RUNX2: variants seen among roughly 807,000 people sequenced by gnomAD.
RUNX2 encodes the protein RUNX family transcription factor 2.
A neutral mutation model predicts 51.7 loss-of-function variants in RUNX2; 10 were observed. The ratio of observed to expected loss-of-function variants is 0.19; its 90% CI spans 0.12 to 0.33. The LOEUF (loss-of-function observed/expected upper bound fraction) is 0.33, where lower values mean the gene tolerates loss of function less well. Ranked by LOEUF, RUNX2 falls within the 10% of genes least tolerant of loss-of-function variation. RUNX2 has a pLI of 1.00. For synonymous variants in RUNX2, 276 were observed against 273.6 expected (o/e 1.01, Z -0.09); for missense variants, 562 against 691.3 (o/e 0.81, Z 2.10).
chr6:45,512,457 G>A, intron 7 of RUNX2, 50 bp downstream of exon 7: 1 of 1,595,822 alleles, frequency 6.3e-7, no homozygotes. Context: ...GGGGTCGGGG[G>A]GAGTGGGATG....
chr6:45,439,813 T>C (rs1362806348), intron 5 of RUNX2, among the ~76,000 whole-genome samples: 1 of 152,010 alleles, frequency 6.6e-6, no homozygotes, highest in Non-Finnish European at 1.5e-5. Context: ...TGACAATAAG[T>C]GAGAAGGCAG....
rs539922118 is a variant in RUNX2 at position 45,380,286 on chromosome 6, G to A, written c.59-42307G>A. 3.3e-5 allele frequency among the ~76,000 whole-genome samples: 5 copies of A among 152,348 alleles called. No individual in the cohort carries two copies. In the South Asian group the frequency reaches 8.3e-4, roughly 25 times the overall value. On this transcript the variant is annotated intron_variant, in intron 2 of 8. Transcript: ENST00000647337. ...AAAAACAAGTGATTTTCCAAGGCAT[G>A]TGGGGAAAACACATCAGGAGACCAA...
At chr6:45,412,893 G>A (rs1797982118) in intron 2 of RUNX2, among the ~76,000 whole-genome samples, 1 of 152,070 alleles carries the variant, frequency 6.6e-6, no homozygotes, top group African/African-American at 2.4e-5. Context: ...CTACAGGTGT[G>A]TGCCACCACA....
chr6:45,416,768 A>G (rs534644370), intron 2 of RUNX2, among the ~76,000 whole-genome samples: 1 of 152,264 alleles, frequency 6.6e-6, no homozygotes, highest in Admixed American at 6.5e-5. Flanking sequence ...CAAAATATAT[A>G]CCTCTTTAGT....
chr6:45,525,236 C>G (rs1179661228), intron 7 of RUNX2, among the ~76,000 whole-genome samples: 1 of 152,194 alleles, frequency 6.6e-6, no homozygotes, highest in African/African-American at 2.4e-5. Flanking sequence ...CACAGATACT[C>G]TTTGAAGGGT....
intron 2 of RUNX2, among the ~76,000 whole-genome samples, chr6:45,355,253 T>C (rs1426630255): frequency 6.6e-6 from 1 of 151,416 alleles, no homozygotes; most frequent in African/African-American, 2.4e-5. Context: ...TGAGCCACCA[T>C]GCCCAGCTCC....
intron 2 of RUNX2, among the ~76,000 whole-genome samples, chr6:45,346,534 G>T (rs1327288802): frequency 1.3e-5 from 2 of 150,636 alleles, no homozygotes; most frequent in Non-Finnish European, 2.9e-5. Flanking sequence ...CTAGCCAAAT[G>T]CCTGGCATAT....
intron 2 of RUNX2, 60 bp downstream of exon 2, chr6:45,328,844 A>T: frequency 6.5e-7 from 1 of 1,531,192 alleles, no homozygotes; most frequent in African/African-American, 1.4e-5. Context: ...TAAAGGTATG[A>T]TTCTTTGATA....
At chr6:45,378,917 C>T (rs2150340654) in intron 2 of RUNX2, among the ~76,000 whole-genome samples, 1 of 152,304 alleles carries the variant, frequency 6.6e-6, no homozygotes, top group South Asian at 2.1e-4. Context: ...CTCACCTTCA[C>T]ACCTGTGTTG....
chr6:45,491,046 A>T (rs1310801372), intron 5 of RUNX2, among the ~76,000 whole-genome samples: 1 of 152,164 alleles, frequency 6.6e-6, no homozygotes, highest in Non-Finnish European at 1.5e-5. Context: ...TGATTTGATG[A>T]TTTTTAAGAA....
At chr6:45,403,568 C>T (rs536260927) in intron 2 of RUNX2, among the ~76,000 whole-genome samples, 15 of 152,238 alleles carry the variant, frequency 9.9e-5, no homozygotes, top group African/African-American at 3.4e-4. Flanking sequence ...TGTGTTTAAT[C>T]TAGCTGACCA....
intron 7 of RUNX2, among the ~76,000 whole-genome samples, chr6:45,527,673 A>G (rs1801712588): frequency 6.6e-6 from 1 of 152,248 alleles, no homozygotes; most frequent in African/African-American, 2.4e-5. Flanking sequence ...TTAAACAAAT[A>G]CAGAACTATT....
chr6:45,352,278 G>A (rs1792230328), intron 2 of RUNX2, among the ~76,000 whole-genome samples: 1 of 152,042 alleles, frequency 6.6e-6, no homozygotes, highest in Non-Finnish European at 1.5e-5. Flanking sequence ...TATGAACCAA[G>A]GAGTAAGCAA....
chr6:45,491,799 A>G, intron 5 of RUNX2, 142 bp from the exon 6 acceptor site: 1 of 867,542 alleles, frequency 1.2e-6, no homozygotes, highest in African/African-American at 1.7e-5. Context: ...AATGGAAGGC[A>G]TTATGTAGAC....
intron 6 of RUNX2, among the ~76,000 whole-genome samples, chr6:45,504,184 G>C (rs1324480194): frequency 6.6e-6 from 1 of 152,222 alleles, no homozygotes; most frequent in African/African-American, 2.4e-5. Context: ...ACATGAGCCA[G>C]ATGCTCTGTG....
chr6:45,365,152 T>C, intron 2 of RUNX2: 2 of 1,132,982 alleles, frequency 1.8e-6, no homozygotes, highest in South Asian at 1.6e-5. Context: ...TCTTTCAACA[T>C]GAATAAATTT....
intron 2 of RUNX2, among the ~76,000 whole-genome samples, chr6:45,348,594 G>T (rs1019344935): frequency 1.3e-4 from 20 of 148,580 alleles, no homozygotes; most frequent in Non-Finnish European, 2.8e-4. Context: ...AGAATCACTT[G>T]AATCCGGGAG....
At chr6:45,415,485 G>A (rs1387062098) in intron 2 of RUNX2, among the ~76,000 whole-genome samples, 3 of 152,142 alleles carry the variant, frequency 2.0e-5, no homozygotes, top group Non-Finnish European at 2.9e-5. Flanking sequence ...TTCACACGGA[G>A]TTGCCTCACC....
chr6:45,431,209 T>G (rs1457386805), intron 3 of RUNX2, among the ~76,000 whole-genome samples: 1 of 152,196 alleles, frequency 6.6e-6, no homozygotes, highest in African/African-American at 2.4e-5. Context: ...ATATTGTTTT[T>G]TTCTTATTTA....
Sources: allele counts gnomAD v4.1 joint callset (sites outside exome capture counted in the v4.1 genomes callset), GRCh38; gene constraint gnomAD v4.1.1; transcripts MANE v1.5; gene names NCBI Gene and HGNC (gene_info 2026-07-23, HGNC 2026-07-21).